Variants in CSMD1 observed in about 807,000 individuals in gnomAD.
The protein encoded by CSMD1 is CUB and sushi domain-containing protein 1.
In CSMD1, 213 loss-of-function variants were observed where a neutral mutation model predicts 417.5. The ratio of observed to expected loss-of-function variants is 0.51; its 90% CI spans 0.46 to 0.57. The LOEUF (loss-of-function observed/expected upper bound fraction) is 0.57. Ranked by LOEUF, CSMD1 falls within the 20% of genes least tolerant of loss-of-function variation. CSMD1 has a pLI of 0.00. For synonymous variants in CSMD1, 2,862 were observed against 1,736.8 expected (o/e 1.65, Z -16.11); for missense variants, 6,923 against 4,529.7 (o/e 1.53, Z -15.17).
intron 26 of CSMD1, among the ~76,000 whole-genome samples, chr8:3,272,497 A>T (rs1801941612): frequency 6.8e-6 from 1 of 147,898 alleles, no homozygotes; most frequent in Non-Finnish European, 1.5e-5. Context: ...AGGGGATGGC[A>T]TTGAATCTGT....
chr8:3,293,486 T>C (rs1006961365), intron 25 of CSMD1, among the ~76,000 whole-genome samples: 7 of 152,230 alleles, frequency 4.6e-5, no homozygotes, highest in Non-Finnish European at 7.3e-5. Flanking sequence ...ATTCGGTCTT[T>C]TCACATAGTC....
intron 10 of CSMD1, among the ~76,000 whole-genome samples, chr8:3,554,195 A>G (rs1799040617): frequency 6.6e-6 from 1 of 152,254 alleles, no homozygotes; most frequent in Admixed American, 6.5e-5. Context: ...GGATATAGCC[A>G]TTTAAGGCAA....
At chr8:4,876,839 A>T (rs1164143756) in intron 1 of CSMD1, among the ~76,000 whole-genome samples, 1 of 152,072 alleles carries the variant, frequency 6.6e-6, no homozygotes, top group African/African-American at 2.4e-5. Flanking sequence ...AGAAGTTAAG[A>T]TCAAGAAGAT....
At chr8:3,024,456 C>A (rs1480859317) in intron 51 of CSMD1, among the ~76,000 whole-genome samples, 1 of 152,024 alleles carries the variant, frequency 6.6e-6, no homozygotes, top group Non-Finnish European at 1.5e-5. Flanking sequence ...CAGGTACATG[C>A]CACCACACGG....
intron 4 of CSMD1, among the ~76,000 whole-genome samples, chr8:4,013,589 G>A (rs1415290534): frequency 6.6e-6 from 1 of 152,134 alleles, no homozygotes; most frequent in Non-Finnish European, 1.5e-5. Flanking sequence ...ATTTCAACAG[G>A]ACAGCAAAGT....
At chr8:3,993,333 A>T (rs1021399119) in intron 5 of CSMD1, among the ~76,000 whole-genome samples, 16 of 152,172 alleles carry the variant, frequency 1.1e-4, no homozygotes, top group Non-Finnish European at 2.4e-4. Context: ...GGAGTCTGTT[A>T]CTCAGCATGT....
At chr8:4,927,455 G>C (rs1398484999) in intron 1 of CSMD1, among the ~76,000 whole-genome samples, 2 of 152,136 alleles carry the variant, frequency 1.3e-5, no homozygotes, top group Non-Finnish European at 1.5e-5. Context: ...TAGGACTCAA[G>C]AACTGAGGCT....
At chr8:3,566,848 A>G (rs1461853682) in intron 10 of CSMD1, among the ~76,000 whole-genome samples, 1 of 152,194 alleles carries the variant, frequency 6.6e-6, no homozygotes, top group African/African-American at 2.4e-5. Flanking sequence ...AACTAGGTTA[A>G]CCTTTGTGGA....
chr8:4,559,639 A>C (rs1798241316), intron 2 of CSMD1, among the ~76,000 whole-genome samples: 2 of 152,226 alleles, frequency 1.3e-5, no homozygotes, highest in South Asian at 4.1e-4. Flanking sequence ...CATATAATAA[A>C]ATTATTAATA....
chr8:3,303,610 A>G (rs772466187), intron 25 of CSMD1, among the ~76,000 whole-genome samples: 10 of 152,212 alleles, frequency 6.6e-5, no homozygotes, highest in African/African-American at 1.4e-4. Context: ...TTTCCAGACA[A>G]TTACACTGGC....
chr8:3,449,070 T>C (rs1815516057), intron 12 of CSMD1, among the ~76,000 whole-genome samples: 1 of 152,186 alleles, frequency 6.6e-6, no homozygotes, highest in African/African-American at 2.4e-5. Flanking sequence ...ACATGAAAAC[T>C]TGTTGCCTGT....
intron 5 of CSMD1, among the ~76,000 whole-genome samples, chr8:3,827,758 T>C (rs963387367): frequency 2.6e-5 from 4 of 152,212 alleles, no homozygotes; most frequent in Admixed American, 2.0e-4. Flanking sequence ...CGATAATGAA[T>C]AGTTGATTGG....
intron 46 of CSMD1, among the ~76,000 whole-genome samples, chr8:3,105,424 G>T (rs1816066089): frequency 6.6e-6 from 1 of 152,196 alleles, no homozygotes; most frequent in South Asian, 2.1e-4. Context: ...AATTAGGAAA[G>T]CTTTTGGATA....
chr8:4,489,554 T>A (rs1801593410), intron 2 of CSMD1, among the ~76,000 whole-genome samples: 1 of 152,216 alleles, frequency 6.6e-6, no homozygotes, highest in Admixed American at 6.5e-5. Context: ...AGACAGGCTA[T>A]GAAGGTGCCA....
At chr8:4,631,974 T>G (rs544981436) in intron 2 of CSMD1, among the ~76,000 whole-genome samples, 1 of 152,208 alleles carries the variant, frequency 6.6e-6, no homozygotes, top group South Asian at 2.1e-4. Flanking sequence ...TTCTAAGGAG[T>G]TTCTCTTAGA....
intron 23 of CSMD1, among the ~76,000 whole-genome samples, chr8:3,327,922 G>C (rs1236451016): frequency 6.6e-6 from 1 of 152,042 alleles, no homozygotes; most frequent in East Asian, 1.9e-4. Flanking sequence ...GGGTCACCTT[G>C]AACTCTGTAA....
chr8:4,509,393 T>C (rs1393576402), intron 2 of CSMD1, among the ~76,000 whole-genome samples: 1 of 152,146 alleles, frequency 6.6e-6, no homozygotes, highest in Non-Finnish European at 1.5e-5. Context: ...TTTAGCTGCT[T>C]CAAAGGGGAA....
At chr8:3,139,824 C>A (rs1818322344) in intron 41 of CSMD1, among the ~76,000 whole-genome samples, 2 of 151,652 alleles carry the variant, frequency 1.3e-5, no homozygotes, top group Non-Finnish European at 2.9e-5. Flanking sequence ...TAAATAATGT[C>A]TCTGAAATAG....
In CSMD1 at chr8:3,790,649, C is replaced by T. The variant is rs114664249; in HGVS notation, c.819-36607G>A. Among the ~76,000 whole-genome samples the T allele has an allele frequency of 2.7e-3, 418 of 152,176 alleles. 2 individuals carry two copies. The highest frequency in any genetic ancestry group is 8.9e-3 in the African/African-American group (369 of 41,528). ...TTATCAAAACACAAAGAGATAATAG[C>T]TGGGATTTTGTTGTTGTTGTTAACA... On this transcript the variant is annotated intron_variant, in intron 5 of 69. Transcript: ENST00000635120.
Sources: gnomAD v4.1 joint callset for allele counts (sites outside exome capture counted in the v4.1 genomes callset) on GRCh38, gnomAD v4.1.1 for gene constraint, MANE v1.5 for transcripts, NCBI Gene and HGNC (gene_info 2026-07-23, HGNC 2026-07-21) for gene names.